SDK2: variants seen among roughly 807,000 people sequenced by gnomAD.
SDK2 encodes sidekick cell adhesion molecule 2.
Under a neutral mutation model 253.9 loss-of-function variants are expected in SDK2, and 105 were observed. The ratio of observed to expected loss-of-function variants is 0.41; its 90% CI spans 0.35 to 0.49. The LOEUF (loss-of-function observed/expected upper bound fraction) is 0.49. Among genes scored for constraint, SDK2 ranks in the 20% least tolerant of loss-of-function variants. The pLI, the probability that SDK2 is intolerant of heterozygous loss-of-function variation, is 0.06. For missense variants in SDK2, 2,608 were observed against 3,003.0 expected, an observed-to-expected ratio of 0.87 and a Z score of 3.07; for synonymous variants, 1,249 against 1,234.9, an observed-to-expected ratio of 1.01 and a Z score of -0.24.
At chr17:73,439,901 C>T (rs972333643) in intron 6 of SDK2, among the ~76,000 whole-genome samples, 2 of 152,122 alleles carry the variant, frequency 1.3e-5, no homozygotes, top group African/African-American at 2.4e-5. Flanking sequence ...AGTGGTGACA[C>T]CTATGCCATA....
In SDK2 at chr17:73,639,687, C is replaced by T. The variant is rs2046374570; in HGVS notation, c.64+4338G>A. Among the ~76,000 whole-genome samples, 2 of 152,190 alleles carry T rather than the reference C, an allele frequency of 1.3e-5. No homozygotes were observed. Among genetic ancestry groups the T allele is most frequent in the African/African-American group, 4.8e-5 (2 of 41,446 alleles). ...CCGACATCAATTCCAACTCAGCCTCCTGCCTCCCAGAGGGGCTGGGAGTCC... is the reference window on the plus strand; with the variant it reads ...CCGACATCAATTCCAACTCAGCCTCTTGCCTCCCAGAGGGGCTGGGAGTCC... On this transcript the variant is annotated intron_variant, in intron 1 of 44. Coordinates refer to ENST00000392650, the MANE Select transcript of SDK2 (RefSeq NM_001144952.2). This position sits in a 1 kb window ranked among gnomAD's most constrained non-coding sequence, Gnocchi z 4.3.
intron 1 of SDK2, among the ~76,000 whole-genome samples, chr17:73,550,818 G>A (rs150262843): frequency 1.1e-3 from 163 of 152,284 alleles, no homozygotes; most frequent in African/African-American, 3.6e-3. Flanking sequence ...TCCCTAGGCC[G>A]GAGGGGTCCA....
intron 4 of SDK2, among the ~76,000 whole-genome samples, chr17:73,449,775 C>T (rs1033941486): frequency 6.6e-6 from 1 of 151,744 alleles, no homozygotes; most frequent in Non-Finnish European, 1.5e-5. Flanking sequence ...ACAAAATTAG[C>T]CGGGTGTGGT....
At position 73,609,790 on chromosome 17, in the gene SDK2, G is replaced by A. The variant is rs2045951145; in HGVS notation, c.64+34235C>T. Among the ~76,000 whole-genome samples the A allele has an allele frequency of 6.6e-6, 1 of 152,200 alleles. No individual in the cohort carries two copies. Among genetic ancestry groups the A allele is most frequent in the Non-Finnish European group, 1.5e-5 (1 of 68,028 alleles). On this transcript the variant is annotated intron_variant, in intron 1 of 44. Transcript: ENST00000392650. This position sits in a 1 kb window ranked among gnomAD's most constrained non-coding sequence, Gnocchi z 4.4. Reference sequence around the variant, plus strand: ...GAACTGCTGGGGCCAAAGTGGGAAAGAGAAGTTGCATGAGAACCTCCAGAA... The same window carrying A: ...GAACTGCTGGGGCCAAAGTGGGAAAAAGAAGTTGCATGAGAACCTCCAGAA...
At chr17:73,429,575 G>A (rs2063309798) in intron 12 of SDK2, among the ~76,000 whole-genome samples, 1 of 152,254 alleles carries the variant, frequency 6.6e-6, no homozygotes, top group African/African-American at 2.4e-5. Context: ...GGCGCCCCAG[G>A]ACGCAGCTGC....
At chr17:73,638,835 G>A (rs1276195053) in intron 1 of SDK2, among the ~76,000 whole-genome samples, 1 of 144,284 alleles carries the variant, frequency 6.9e-6, no homozygotes. Context: ...AATGAGACAG[G>A]GTCTCGCTCT....
At chr17:73,532,069 GC>G (rs778003902) in intron 1 of SDK2, among the ~76,000 whole-genome samples, 1 of 152,140 alleles carries the variant, frequency 6.6e-6, no homozygotes, top group Non-Finnish European at 1.5e-5. Context: ...CTGTACTCCT[GC>G]CCCCAGCTCC....
intron 18 of SDK2, among the ~76,000 whole-genome samples, chr17:73,408,854 T>C (rs1318429110): frequency 6.6e-6 from 1 of 152,216 alleles, no homozygotes; most frequent in Non-Finnish European, 1.5e-5. Flanking sequence ...TAACAGATTA[T>C]GCGGCAATCA....
intron 3 of SDK2, among the ~76,000 whole-genome samples, chr17:73,462,307 G>A (rs1370461381): frequency 1.3e-5 from 2 of 151,788 alleles, no homozygotes; most frequent in Admixed American, 1.3e-4. Flanking sequence ...GTGTGCATAT[G>A]TGGTGGAATG....
chr17:73,350,210 C>CT lies in SDK2; in HGVS notation c.6038+26_6038+27insA, dbSNP rs764130031. 9 of 1,531,300 alleles carry CT rather than the reference C, an allele frequency of 5.9e-6. No individual in the cohort carries two copies. The South Asian group carries it at 8.7e-5, about 15-fold the overall frequency. The allele number at this position is 1,531,300 out of a possible 1,614,324, so 94.9% of individuals were successfully genotyped here. On this transcript the variant is annotated intron_variant, in intron 43 of 44. Coordinates refer to ENST00000392650, the MANE Select transcript of SDK2 (RefSeq NM_001144952.2). ...CCACCTGGGCACTGCTGGGCCTGGCCCCCAACCCACGCAGAGGGCCCAGTA... is the reference window on the plus strand; with the variant it reads ...CCACCTGGGCACTGCTGGGCCTGGCCTCCCAACCCACGCAGAGGGCCCAGTA...
intron 1 of SDK2, among the ~76,000 whole-genome samples, chr17:73,622,565 G>GC (rs2046146742): frequency 6.6e-6 from 1 of 152,226 alleles, no homozygotes; most frequent in South Asian, 2.1e-4. Context: ...GAGTGCTGTG[G>GC]CTGGTGCAGA....
At chr17:73,360,431 G>T (rs978521628) in intron 39 of SDK2, among the ~76,000 whole-genome samples, 8 of 152,332 alleles carry the variant, frequency 5.3e-5, no homozygotes, top group South Asian at 2.1e-4. Context: ...TTGGCTGAAG[G>T]GGGTGGGCAG....
At chr17:73,553,284 T>C (rs1340936650) in intron 1 of SDK2, among the ~76,000 whole-genome samples, 1 of 152,094 alleles carries the variant, frequency 6.6e-6, no homozygotes, top group African/African-American at 2.4e-5. Flanking sequence ...AGTAGGGAAA[T>C]TGATATTGAT....
chr17:73,552,648 A>G (rs1028405129), intron 1 of SDK2, among the ~76,000 whole-genome samples: 2 of 152,180 alleles, frequency 1.3e-5, no homozygotes, highest in Admixed American at 1.3e-4. Context: ...TGAGGCATAA[A>G]TGGGTTAAGT....
intron 17 of SDK2, 52 bp from the exon 18 acceptor site, chr17:73,414,811 C>T: frequency 8.5e-7 from 1 of 1,182,012 alleles, no homozygotes; most frequent in Non-Finnish European, 1.3e-6. Context: ...GTCAGTCTCT[C>T]TTGCCCAGTT....
At position 73,470,290 on chromosome 17, in the gene SDK2, AACAC is replaced by A. The variant is rs150420133; in HGVS notation, c.331+1818_331+1821del. On this transcript the variant is annotated intron_variant, in intron 3 of 44. Coordinates refer to ENST00000392650, the MANE Select transcript of SDK2 (RefSeq NM_001144952.2). ...AAGCACACATGCATGCATGCATGCA[AACAC>A]ACACACACACACAAATATCCTTGTG... Among the ~76,000 whole-genome samples the A allele has an allele frequency of 1.6e-4, 23 of 143,912 alleles. No homozygotes were observed. In the East Asian group the frequency reaches 1.7e-3, roughly 11 times the overall value. 94.4% of individuals were successfully genotyped at this position (143,912 alleles called of 152,430 possible).
intron 37 of SDK2, 70 bp from the exon 38 acceptor site, chr17:73,365,465 A>T: frequency 6.8e-7 from 1 of 1,477,480 alleles, no homozygotes; most frequent in Non-Finnish European, 9.1e-7. Flanking sequence ...TTCAGCTCCA[A>T]GGAGCTAGCG....
At chr17:73,488,363 G>T (rs139902321) in intron 2 of SDK2, among the ~76,000 whole-genome samples, 1 of 152,324 alleles carries the variant, frequency 6.6e-6, no homozygotes, top group Non-Finnish European at 1.5e-5. Context: ...CTCGCTGTAA[G>T]GCTTGTTTTC....
intron 1 of SDK2, among the ~76,000 whole-genome samples, chr17:73,524,326 G>A (rs560107510): frequency 9.9e-5 from 15 of 152,264 alleles, no homozygotes; most frequent in African/African-American, 3.1e-4. Context: ...GAGCTTTCTG[G>A]CAAGGAGACC....
Sources: allele counts gnomAD v4.1 joint callset (sites outside exome capture counted in the v4.1 genomes callset), GRCh38; gene constraint gnomAD v4.1.1; non-coding constraint Gnocchi (gnomAD v3.1); transcripts MANE v1.5; gene names NCBI Gene and HGNC (gene_info 2026-07-23, HGNC 2026-07-21).